The following SV2C variants were observed in gnomAD, a reference collection of about 807,000 sequenced individuals.
The protein encoded by SV2C is synaptic vesicle glycoprotein 2C.
SV2C carries 49 observed loss-of-function variants against 79.7 expected under a neutral mutation model. The ratio of observed to expected loss-of-function variants is 0.61; its 90% CI spans 0.49 to 0.78. The LOEUF (loss-of-function observed/expected upper bound fraction) is 0.78. Ranked by LOEUF, SV2C falls within the 30% of genes least tolerant of loss-of-function variation. The pLI, the probability that SV2C is intolerant of heterozygous loss-of-function variation, is 0.00. For missense variants in SV2C, 833 were observed against 912.9 expected, an observed-to-expected ratio of 0.91 and a Z score of 1.13; for synonymous variants, 334 against 333.2, an observed-to-expected ratio of 1.00 and a Z score of -0.03.
chr5:76,289,786 AGG>A (rs1485600107), intron 6 of SV2C, among the ~76,000 whole-genome samples: 1 of 152,220 alleles, frequency 6.6e-6, no homozygotes, highest in Admixed American at 6.5e-5. Context: ...TCCTCCAAGC[AGG>A]TTACATCCAT....
chr5:76,069,124 A>G, the SV2C span, among the ~76,000 whole-genome samples: 1 of 152,194 alleles, frequency 6.6e-6, no homozygotes, highest in African/African-American at 2.4e-5. Context: ...TTTTAGTTAC[A>G]ATTGATCTTT....
intron 12 of SV2C, among the ~76,000 whole-genome samples, chr5:76,347,354 G>T (rs750687855): frequency 8.5e-5 from 13 of 152,094 alleles, no homozygotes; most frequent in Middle Eastern, 3.2e-3. Context: ...TGGGAAGCTG[G>T]GGAATGAGTG....
intron 1 of SV2C, among the ~76,000 whole-genome samples, chr5:76,119,560 A>G (rs1400479712): frequency 6.6e-6 from 1 of 152,162 alleles, no homozygotes; most frequent in African/African-American, 2.4e-5. Context: ...GGTAGGAAAT[A>G]TCACCCACCT....
chr5:75,895,160 A>G, the SV2C span, among the ~76,000 whole-genome samples: 3 of 152,262 alleles, frequency 2.0e-5, no homozygotes, highest in Non-Finnish European at 4.4e-5. Flanking sequence ...CAGCAGCAAC[A>G]ACAACAAATC....
At chr5:76,229,790 A>G (rs2112395850) in intron 4 of SV2C, among the ~76,000 whole-genome samples, 1 of 152,358 alleles carries the variant, frequency 6.6e-6, no homozygotes, top group Non-Finnish European at 1.5e-5. Context: ...GAGAAAGAAG[A>G]GTGATGGGGA....
the SV2C span, among the ~76,000 whole-genome samples, chr5:76,053,744 G>C: frequency 6.6e-6 from 1 of 152,100 alleles, no homozygotes; most frequent in African/African-American, 2.4e-5. Context: ...TGAGGAGGCA[G>C]TGTGTATCTT....
At chr5:75,997,271 A>G in the SV2C span, among the ~76,000 whole-genome samples, 1 of 152,022 alleles carries the variant, frequency 6.6e-6, no homozygotes, top group East Asian at 1.9e-4. Flanking sequence ...GTTCTGATGT[A>G]GGCATGGGCA....
At chr5:76,291,582 C>T (rs1747568235) in intron 7 of SV2C, among the ~76,000 whole-genome samples, 186 bp from the exon 8 acceptor site, 1 of 152,162 alleles carries the variant, frequency 6.6e-6, no homozygotes, top group Non-Finnish European at 1.5e-5. Context: ...TCTTGAGTTA[C>T]CTTGTCCATT....
At chr5:76,301,354 A>G in intron 11 of SV2C, 32 bp from the exon 12 acceptor site, 1 of 1,611,300 alleles carries the variant, frequency 6.2e-7, no homozygotes, top group Non-Finnish European at 8.5e-7. Flanking sequence ...ATGACAGGAA[A>G]CATTCCAGCC....
the SV2C span, among the ~76,000 whole-genome samples, chr5:76,021,243 A>G: frequency 6.6e-6 from 1 of 152,196 alleles, no homozygotes; most frequent in African/African-American, 2.4e-5. Context: ...AAGTTATGTT[A>G]ACTTGTTCAG....
At chr5:75,937,345 C>T in the SV2C span, among the ~76,000 whole-genome samples, 6 of 152,108 alleles carry the variant, frequency 3.9e-5, no homozygotes, top group South Asian at 8.3e-4. Flanking sequence ...TTTTTCTCAG[C>T]ATTACTTCCT....
At chr5:76,232,659 C>G (rs1333056485) in intron 4 of SV2C, among the ~76,000 whole-genome samples, 2 of 147,692 alleles carry the variant, frequency 1.4e-5, no homozygotes, top group African/African-American at 5.3e-5. Flanking sequence ...CTACATATGG[C>G]TAGCCAGTTT....
Position 76,332,179 on chromosome 5 carries a change from C to T in SV2C, c.*6632C>T, listed in dbSNP as rs981758294. The stretch of plus-strand genomic sequence containing the variant: ...GCCTACTTTATTGCATTCATGCTCC[C>T]CTTAGATCCAAGAGTGCCCAGGACT... On this transcript the variant is annotated 3_prime_UTR_variant, in exon 13 of 13. Transcript: ENST00000502798. The T allele has an allele frequency of 1.3e-5, 2 of 152,180 alleles. No individual in the cohort carries two copies. The highest frequency in any genetic ancestry group is 2.1e-4 in the South Asian group (1 of 4,820). The allele number at this position is 152,180 out of a possible 1,614,324, so 9.4% of individuals were successfully genotyped here. A position where few individuals can be genotyped will look rare whatever the true frequency, so the allele number is the denominator to read the frequency against.
chr5:75,876,806 G>T, the SV2C span, among the ~76,000 whole-genome samples: 1 of 151,756 alleles, frequency 6.6e-6, no homozygotes, highest in Non-Finnish European at 1.5e-5. Context: ...ACCTAAAAGT[G>T]GTTAATATTA....
At chr5:76,087,071 T>C (rs992904679) in intron 1 of SV2C, among the ~76,000 whole-genome samples, 7 of 152,240 alleles carry the variant, frequency 4.6e-5, no homozygotes, top group Non-Finnish European at 1.0e-4. Flanking sequence ...ATAAGTAGTA[T>C]AGAAAATGTG....
intron 2 of SV2C, chr5:76,174,211 C>T (rs1225230795): frequency 6.2e-7 from 1 of 1,605,300 alleles, no homozygotes; most frequent in Non-Finnish European, 8.5e-7. Flanking sequence ...ACCTAGTACT[C>T]TGCGAACCTC....
the SV2C span, among the ~76,000 whole-genome samples, chr5:75,850,541 G>C: frequency 6.6e-6 from 1 of 152,018 alleles, no homozygotes; most frequent in South Asian, 2.1e-4. Flanking sequence ...ACTACCTAAT[G>C]TCATAGGTAG....
At chr5:75,941,974 A>G in the SV2C span, among the ~76,000 whole-genome samples, 1 of 152,204 alleles carries the variant, frequency 6.6e-6, no homozygotes, top group Non-Finnish European at 1.5e-5. Context: ...AACTTAGCCT[A>G]TAGTATTAGC....
chr5:75,909,432 T>G, the SV2C span, among the ~76,000 whole-genome samples: 9 of 152,234 alleles, frequency 5.9e-5, no homozygotes, highest in Non-Finnish European at 2.9e-5. Flanking sequence ...TAATTGTAGC[T>G]GCTGGGCACA....
Sources: gnomAD v4.1 joint callset for allele counts (sites outside exome capture counted in the v4.1 genomes callset) on GRCh38, gnomAD v4.1.1 for gene constraint, MANE v1.5 for transcripts, NCBI Gene and HGNC (gene_info 2026-07-23, HGNC 2026-07-21) for gene names.